EFCAB8: variants seen among roughly 807,000 people sequenced by gnomAD.
The protein encoded by EFCAB8 is EF-hand calcium-binding domain-containing protein 8.
EFCAB8 carries 100 observed loss-of-function variants against 116.3 expected under a neutral mutation model. The ratio of observed to expected loss-of-function variants is 0.86; its 90% CI spans 0.73 to 1.02. EFCAB8 has a LOEUF of 1.02. Among genes scored for constraint, EFCAB8 ranks in the 50% least tolerant of loss-of-function variants. EFCAB8 has a pLI of 0.00. For missense variants in EFCAB8, 1,320 were observed against 1,416.9 expected (o/e 0.93, Z 1.10); for synonymous variants, 558 against 567.9 (o/e 0.98, Z 0.25).
intron 3 of EFCAB8, among the ~76,000 whole-genome samples, chr20:32,873,091 C>T (rs1020087879): frequency 6.6e-6 from 1 of 152,020 alleles, no homozygotes; most frequent in East Asian, 1.9e-4. Context: ...AAAACTCCAT[C>T]TCAAAGAGCA....
At chr20:32,863,528 G>A (rs562656809) in intron 1 of EFCAB8, among the ~76,000 whole-genome samples, 4 of 152,264 alleles carry the variant, frequency 2.6e-5, no homozygotes, top group Admixed American at 1.3e-4. Context: ...AAACCCCATG[G>A]CTTCTGCAGG....
intron 15 of EFCAB8, among the ~76,000 whole-genome samples, chr20:32,911,206 A>G (rs559175666): frequency 6.6e-6 from 1 of 152,128 alleles, no homozygotes; most frequent in East Asian, 1.9e-4. Flanking sequence ...TGTCTTTTCC[A>G]TATAGGGATT....
chr20:32,907,218 G>A, intron 13 of EFCAB8: 1 of 681,262 alleles, frequency 1.5e-6, no homozygotes, highest in Non-Finnish European at 1.8e-6. Flanking sequence ...ACCCTGGCAA[G>A]TCCTTCCCTT....
intron 20 of EFCAB8, among the ~76,000 whole-genome samples, chr20:32,930,024 T>C (rs756656140): frequency 6.6e-6 from 1 of 152,184 alleles, no homozygotes; most frequent in African/African-American, 2.4e-5. Flanking sequence ...GGGGAATGAG[T>C]TCCTTCCCCA....
chr20:32,888,513 C>T (rs931377200), intron 6 of EFCAB8, among the ~76,000 whole-genome samples: 15 of 152,016 alleles, frequency 9.9e-5, no homozygotes, highest in Middle Eastern at 3.4e-3. Flanking sequence ...TGAGCCACTG[C>T]GCCCAGCCTT....
chr20:32,886,005 C>T (rs553652052), intron 6 of EFCAB8, among the ~76,000 whole-genome samples: 60 of 152,358 alleles, frequency 3.9e-4, no homozygotes, highest in African/African-American at 1.0e-3. Flanking sequence ...GCCACTCCCA[C>T]GCTGTCCCCA....
rs566572880 is a variant in EFCAB8 at position 32,866,851 on chromosome 20, TTC to T, written c.43-721_43-720del. Among the ~76,000 whole-genome samples, 354 of 148,220 alleles carry T rather than the reference TTC, an allele frequency of 2.4e-3. 2 individuals are homozygous for T. The highest frequency in any genetic ancestry group is 4.0e-3 in the Admixed American group (60 of 14,900). On this transcript the variant is annotated intron_variant, in intron 2 of 26. Coordinates refer to ENST00000400522, the MANE Select transcript of EFCAB8 (RefSeq NM_001143967.2). ...TTCCCTCCTTCCTTCCTTCCTTTCT[TTC>T]TCTCTCTCTTTCTTTCTTTCCTTCC...
At position 32,863,813 on chromosome 20, in the gene EFCAB8, A is replaced by G; in HGVS notation, c.21A>G (p.Ala7=). ...GGCTAATGTCTTCTGAAGACTTAGC[A>G]GAGATCCCTCAACTCCAAAAGGTAA... The part of the protein sequence containing the change: MSSEDL[A]EIPQLQKLSI... Residue 7 remains alanine (A), a synonymous_variant, in exon 2 of 27, where the codon GCA becomes GCG. Coordinates refer to ENST00000400522, the MANE Select transcript of EFCAB8 (RefSeq NM_001143967.2). 6.4e-7 allele frequency: 1 copy of G among 1,551,552 alleles called. No individual in the cohort carries two copies. The highest frequency in any genetic ancestry group is 1.7e-4 in the Middle Eastern group (1 of 5,938).
chr20:32,939,845 C>T (rs1428822974), intron 22 of EFCAB8, among the ~76,000 whole-genome samples: 1 of 148,298 alleles, frequency 6.7e-6, no homozygotes, highest in Non-Finnish European at 1.5e-5. Flanking sequence ...CAGGTGCCCG[C>T]CACCATGCCT....
intron 23 of EFCAB8, among the ~76,000 whole-genome samples, chr20:32,946,895 G>A (rs7263330): frequency 0.072 from 10,887 of 152,202 alleles, 588 homozygotes; most frequent in African/African-American, 0.15. Flanking sequence ...ACATGTAGCT[G>A]AGTGAAAGTC....
At position 32,917,198 on chromosome 20, in the gene EFCAB8, C is replaced by T. The variant is rs1329177369; in HGVS notation, c.1857-103C>T. Reference sequence around the variant, plus strand: ...AGCTCCGACACCTGAGAGTATCCTCCTCTGAGTCGGCTCCCAGAATCCTCA... The same window carrying T: ...AGCTCCGACACCTGAGAGTATCCTCTTCTGAGTCGGCTCCCAGAATCCTCA... On this transcript the variant is annotated intron_variant, in intron 17 of 26. Transcript: ENST00000400522. 1.7e-5 allele frequency: 15 copies of T among 899,926 alleles called. No individual in the cohort carries two copies. The East Asian group carries it at 3.7e-4, about 22-fold the overall frequency. 55.7% of individuals were successfully genotyped at this position (899,926 alleles called of 1,614,324 possible). A position where few individuals can be genotyped will look rare whatever the true frequency, so the allele number is the denominator to read the frequency against.
intron 2 of EFCAB8, among the ~76,000 whole-genome samples, chr20:32,864,862 C>T (rs1251129074): frequency 6.6e-6 from 1 of 152,176 alleles, no homozygotes; most frequent in East Asian, 1.9e-4. Flanking sequence ...GGAGTAATAA[C>T]AAGAGCTGTC....
rs1445640745 is a variant in EFCAB8 at position 32,867,657 on chromosome 20, C to T, written c.118C>T (p.Pro40Ser). ...PTPSITLSQV[P>S]DLQPGSQLFT... ...ACCATCCATCACCCTTAGCCAGGTG[C>T]CTGACCTCCAGCCTGGGTCCCAGCT... Residue 40 changes from proline to serine, a missense_variant, in exon 3 of 27, where the codon CCT becomes TCT. Coordinates refer to ENST00000400522, the MANE Select transcript of EFCAB8 (RefSeq NM_001143967.2). The T allele has an allele frequency of 1.3e-6, 2 of 1,551,706 alleles. No homozygotes were observed. Among genetic ancestry groups the T allele is most frequent in the Non-Finnish European group, 1.7e-6 (2 of 1,147,004 alleles).
chr20:32,926,488 CATA>C (rs1327687750), intron 20 of EFCAB8, among the ~76,000 whole-genome samples: 3 of 147,808 alleles, frequency 2.0e-5, no homozygotes, highest in Non-Finnish European at 3.0e-5. Context: ...CCTCTCAGCA[CATA>C]ATAATCTATC....
chr20:32,878,757 A>C lies in EFCAB8; in HGVS notation c.381A>C (p.Arg127=), dbSNP rs1985145968. The C allele has an allele frequency of 6.4e-7, 1 of 1,551,954 alleles. No individual in the cohort carries two copies. The highest frequency in any genetic ancestry group is 8.7e-7 in the Non-Finnish European group (1 of 1,147,084). The change falls in exon 5 of 27, where the codon CGA becomes CGC. Residue 127 remains arginine (R), a synonymous_variant. Transcript: ENST00000400522. ...AGTTCCAGGGAAAAGAGGACATGCG[A>C]AAGAGCCAGTACCGCCTGCACTTCT... ...MREFQGKEDM[R]KSQYRLHFYL...
chr20:32,954,114 T>C (rs1162705015), intron 23 of EFCAB8, among the ~76,000 whole-genome samples: 5 of 152,122 alleles, frequency 3.3e-5, no homozygotes, highest in African/African-American at 1.2e-4. Context: ...CATGATTACG[T>C]TTTTTGATAC....
chr20:32,942,873 TTGAGTCATGTTTTC>T, intron 22 of EFCAB8, among the ~76,000 whole-genome samples: 1 of 152,326 alleles, frequency 6.6e-6, no homozygotes, highest in African/African-American at 2.4e-5. Context: ...CTACTGTTTA[TTGAGTCATGTTTTC>T]TGTTACCACT....
At chr20:32,930,711 G>T in intron 21 of EFCAB8, 95 bp downstream of exon 21, 5 of 1,186,152 alleles carry the variant, frequency 4.2e-6, no homozygotes, top group Non-Finnish European at 6.0e-6. Flanking sequence ...TTCCTACTCT[G>T]TCTGGGTACT....
intron 23 of EFCAB8, among the ~76,000 whole-genome samples, chr20:32,957,102 A>G (rs1270311115): frequency 6.6e-6 from 1 of 151,354 alleles, no homozygotes; most frequent in Non-Finnish European, 1.5e-5. Flanking sequence ...TAGTTTTAGA[A>G]TGTCCATTTG....
Sources: allele counts gnomAD v4.1 joint callset (sites outside exome capture counted in the v4.1 genomes callset), GRCh38; gene constraint gnomAD v4.1.1; transcripts MANE v1.5; gene names NCBI Gene and HGNC (gene_info 2026-07-23, HGNC 2026-07-21).